The following RGL1 variants were observed in gnomAD, a reference collection of about 807,000 sequenced individuals.
The protein encoded by RGL1 is ral guanine nucleotide dissociation stimulator-like 1.
RGL1 carries 24 observed loss-of-function variants against 95.2 expected under a neutral mutation model. The observed-to-expected ratio is 0.25, with a 90% CI of 0.18 to 0.35. RGL1 has a LOEUF of 0.35. Among genes scored for constraint, RGL1 ranks in the 10% least tolerant of loss-of-function variants. RGL1 has a pLI of 1.00. For synonymous variants in RGL1, 329 were observed against 344.9 expected (o/e 0.95, Z 0.51); for missense variants, 715 against 936.3 (o/e 0.76, Z 3.08).
At chr1:183,775,564 G>A (rs1014809510) in intron 2 of RGL1, among the ~76,000 whole-genome samples, 2 of 152,150 alleles carry the variant, frequency 1.3e-5, no homozygotes, top group African/African-American at 2.4e-5. Context: ...AAAAGCCCAT[G>A]GATTTTGGAT....
intron 1 of RGL1, among the ~76,000 whole-genome samples, chr1:183,668,641 A>G (rs1407364739): frequency 6.6e-6 from 1 of 151,904 alleles, no homozygotes; most frequent in East Asian, 1.9e-4. Flanking sequence ...ATTTTTTGAA[A>G]TTTGAATATC....
intron 2 of RGL1, among the ~76,000 whole-genome samples, chr1:183,776,141 A>ATTTTTTTTTTTTTTTTTTTTT (rs66738956): frequency 1.1e-5 from 1 of 88,802 alleles, no homozygotes. Context: ...GGGAATACAG[A>ATTTTTTTTTTTTTTTTTTTTT]TTTTTTTTTT....
intron 1 of RGL1, among the ~76,000 whole-genome samples, chr1:183,692,065 T>A (rs1653975716): frequency 6.6e-6 from 1 of 150,874 alleles, no homozygotes; most frequent in South Asian, 2.1e-4. Flanking sequence ...ATATATATAT[T>A]ATTACATTAT....
chr1:183,726,951 C>A (rs1214943216), intron 1 of RGL1, among the ~76,000 whole-genome samples: 1 of 152,058 alleles, frequency 6.6e-6, no homozygotes, highest in Non-Finnish European at 1.5e-5. Context: ...TTGGAATGTT[C>A]AACCTATACC....
At chr1:183,866,536 G>A (rs999844065) in intron 4 of RGL1, among the ~76,000 whole-genome samples, 1 of 152,160 alleles carries the variant, frequency 6.6e-6, no homozygotes. Flanking sequence ...GACAGACCAC[G>A]GGAAAGCCTC....
intron 1 of RGL1, among the ~76,000 whole-genome samples, chr1:183,694,295 G>A (rs1321161591): frequency 1.3e-5 from 2 of 152,204 alleles, no homozygotes; most frequent in African/African-American, 4.8e-5. Flanking sequence ...CACACAGGCA[G>A]GAGTGGGCTG....
At chr1:183,698,398 C>T (rs1325388777) in intron 1 of RGL1, among the ~76,000 whole-genome samples, 2 of 152,208 alleles carry the variant, frequency 1.3e-5, no homozygotes, top group African/African-American at 4.8e-5. Flanking sequence ...TAATTCTCTT[C>T]CCTTTTAGAA....
intron 1 of RGL1, among the ~76,000 whole-genome samples, chr1:183,704,507 C>T (rs1166849726): frequency 6.6e-6 from 1 of 152,054 alleles, no homozygotes. Flanking sequence ...TGTTGGTGTC[C>T]TTGATGTAGG....
chr1:183,909,348 T>A (rs1668518086), intron 14 of RGL1, among the ~76,000 whole-genome samples: 1 of 152,168 alleles, frequency 6.6e-6, no homozygotes, highest in South Asian at 2.1e-4. Context: ...TAGAGATGCC[T>A]ACTACTGAGC....
chr1:183,677,642 A>G (rs1393512449), intron 1 of RGL1, among the ~76,000 whole-genome samples: 1 of 152,196 alleles, frequency 6.6e-6, no homozygotes, highest in Non-Finnish European at 1.5e-5. Context: ...GTTTATATAA[A>G]GCCCTGTGGA....
intron 3 of RGL1, among the ~76,000 whole-genome samples, chr1:183,849,422 T>G (rs983017113): frequency 1.3e-5 from 2 of 152,054 alleles, no homozygotes; most frequent in African/African-American, 4.8e-5. Flanking sequence ...TTCAATAGCT[T>G]TATAATATTT....
chr1:183,779,759 G>A (rs1353341147), intron 2 of RGL1, among the ~76,000 whole-genome samples: 1 of 151,998 alleles, frequency 6.6e-6, no homozygotes, highest in African/African-American at 2.4e-5. Context: ...AAGGACTTGT[G>A]TAGAAGTTTG....
chr1:183,851,884 T>G (rs1398819596), intron 3 of RGL1, among the ~76,000 whole-genome samples: 2 of 152,202 alleles, frequency 1.3e-5, no homozygotes, highest in Non-Finnish European at 2.9e-5. Flanking sequence ...TGTCTATAAT[T>G]AAGAGGAAGC....
In RGL1 at chr1:183,880,781, G is replaced by T. The variant is rs746273065; in HGVS notation, c.591G>T (p.Lys197Asn). 8 of 1,613,858 alleles carry T rather than the reference G, an allele frequency of 5.0e-6. No homozygotes were observed. The South Asian group carries it at 7.7e-5, about 16-fold the overall frequency. Reference sequence around the variant, plus strand: ...AAAATCTTCTTGAGCAGTTTCAGAAGCAAGAAGTGGAAACTGACAGTGAGT... The same window carrying T: ...AAAATCTTCTTGAGCAGTTTCAGAATCAAGAAGTGGAAACTGACAGTGAGT... ...RAQNLLEQFQKQEVETDNGLP... is the reference protein window; with the variant it reads ...RAQNLLEQFQNQEVETDNGLP... The change falls in exon 5 of 18, where the codon AAG (lysine) becomes AAT (asparagine). Residue 197 changes from lysine (K) to asparagine (N), a missense_variant. Physicochemically the swap from Lys to Asn is moderately conservative, Grantham distance 94. This residue lies in a region of RGL1 where 381 missense variants were observed against 484.8 expected (regional missense o/e 0.79). Coordinates refer to ENST00000360851, the MANE Select transcript of RGL1 (RefSeq NM_001297671.3).
At position 183,776,715 on chromosome 1, in the gene RGL1, G is replaced by A. The variant is rs901926974; in HGVS notation, c.133-29660G>A. Reference sequence around the variant, plus strand: ...AATGAAGAATAGTTCAATATGGATGGAGCATAGGGTTCAAGATAGAAGGTG... The same window carrying A: ...AATGAAGAATAGTTCAATATGGATGAAGCATAGGGTTCAAGATAGAAGGTG... On this transcript the variant is annotated intron_variant, in intron 2 of 18. Transcript: ENST00000304685. 3.9e-5 allele frequency among the ~76,000 whole-genome samples: 6 copies of A among 152,202 alleles called. 1 individual carries two copies. Among genetic ancestry groups the A allele is most frequent in the Non-Finnish European group, 7.3e-5 (5 of 68,034 alleles).
chr1:183,811,122 A>T (rs1661683444), intron 2 of RGL1, among the ~76,000 whole-genome samples: 1 of 152,226 alleles, frequency 6.6e-6, no homozygotes, highest in Non-Finnish European at 1.5e-5. Flanking sequence ...AAAGAAGAAG[A>T]AAGGGGCATG....
At chr1:183,802,386 A>G (rs1196108454), upstream of RGL1, among the ~76,000 whole-genome samples, 1 of 151,710 alleles carries the variant, frequency 6.6e-6, no homozygotes, top group Admixed American at 6.6e-5. Flanking sequence ...CTCCAGCTTT[A>G]CTCTTCTTTT....
chr1:183,776,611 T>C (rs930892234), intron 2 of RGL1, among the ~76,000 whole-genome samples: 3 of 152,092 alleles, frequency 2.0e-5, no homozygotes, highest in East Asian at 1.9e-4. Flanking sequence ...AGGCAGAGAA[T>C]GAACAGGAGT....
At chr1:183,670,269 C>T (rs573963569) in intron 1 of RGL1, among the ~76,000 whole-genome samples, 6 of 152,236 alleles carry the variant, frequency 3.9e-5, no homozygotes, top group African/African-American at 1.4e-4. Context: ...TTTCCCTTTC[C>T]CCAGCTTGAT....
Sources: gnomAD v4.1 joint callset for allele counts (sites outside exome capture counted in the v4.1 genomes callset) on GRCh38, gnomAD v4.1.1 for gene constraint, gnomAD v4.1.1 regional missense constraint, MANE v1.5 for transcripts, NCBI Gene and HGNC (gene_info 2026-07-23, HGNC 2026-07-21) for gene names.